TBC1D8B: variants seen among roughly 807,000 people sequenced by gnomAD.
TBC1D8B encodes TBC1 domain family member 8B.
A neutral mutation model predicts 82.9 loss-of-function variants in TBC1D8B; 75 were observed. That is an observed-to-expected ratio of 0.90 (90% CI 0.75 to 1.10). The LOEUF is 1.10. Among genes scored for constraint, TBC1D8B ranks in the 50% least tolerant of loss-of-function variants. TBC1D8B has a pLI of 0.00. For synonymous variants in TBC1D8B, 276 were observed against 276.8 expected (o/e 1.00, Z 0.03); for missense variants, 794 against 796.9 (o/e 1.00, Z 0.04).
rs758945252 is a variant in TBC1D8B at position 106,862,095 on chromosome X, T to C, written c.2353-3464T>C. Among the ~76,000 whole-genome samples the C allele has an allele frequency of 9.4e-4, 106 of 112,399 alleles. 2 individuals carry two copies. Among genetic ancestry groups the C allele is most frequent in the African/African-American group, 3.3e-3 (102 of 31,032 alleles). Reference sequence around the variant, plus strand: ...AATCTTTTTTGGCTTGTAGCATTTCTGCTGAATAGTACACTGTTAGGCTAA... The same window carrying C: ...AATCTTTTTTGGCTTGTAGCATTTCCGCTGAATAGTACACTGTTAGGCTAA... On this transcript the variant is annotated intron_variant, in intron 14 of 20. Coordinates refer to ENST00000357242, the MANE Select transcript of TBC1D8B (RefSeq NM_017752.3).
At chrX:106,837,643 C>T (rs1222348660) in intron 7 of TBC1D8B, among the ~76,000 whole-genome samples, 1 of 111,462 alleles carries the variant, frequency 9.0e-6, no homozygotes, top group Non-Finnish European at 1.9e-5. Flanking sequence ...CTCTAATAAC[C>T]ATCATTCCAC....
chrX:106,804,057 T>G (rs928316997), intron 1 of TBC1D8B, among the ~76,000 whole-genome samples: 5 of 111,907 alleles, frequency 4.5e-5, no homozygotes, highest in African/African-American at 1.6e-4. Flanking sequence ...TTCACAAGAT[T>G]CAGTTTCTTG....
intron 19 of TBC1D8B, 111 bp from the exon 20 acceptor site, chrX:106,870,605 A>G: frequency 2.2e-6 from 1 of 462,877 alleles, no homozygotes; most frequent in Non-Finnish European, 3.7e-6. Flanking sequence ...GATTAAAAAA[A>G]TGGGATCTTA....
At chrX:106,860,562 G>T (rs1363362909) in intron 14 of TBC1D8B, among the ~76,000 whole-genome samples, 1 of 110,481 alleles carries the variant, frequency 9.1e-6, no homozygotes, top group East Asian at 2.8e-4. Flanking sequence ...TTTCTGTGGG[G>T]TCAGTGGTAA....
chrX:106,854,378 G>GAA, intron 14 of TBC1D8B, 82 bp downstream of exon 14: 3 of 592,473 alleles, frequency 5.1e-6, no homozygotes, highest in Non-Finnish European at 4.9e-6. Context: ...TCTTCTGGGC[G>GAA]AATAAAATGA....
In TBC1D8B at chrX:106,839,317, A is replaced by C. The variant is rs779481955; in HGVS notation, c.1213A>C (p.Ser405Arg). The change falls in exon 8 of 21, where the codon AGT (serine) becomes CGT (arginine). Residue 405 changes from serine to arginine, a missense_variant. Ser to Arg is a moderately radical substitution (Grantham distance 110). Coordinates refer to ENST00000357242, the MANE Select transcript of TBC1D8B (RefSeq NM_017752.3). The stretch of plus-strand genomic sequence containing the variant: ...ATTCTTTCTTTTTCAGCTTGCTATT[A>C]GTTCTGAGTCTACAGAGCCATCTGA... Reference protein sequence around the residue: ...YHDISTELAISSESTEPSDNF... With the variant: ...YHDISTELAIRSESTEPSDNF... 1.7e-6 allele frequency: 2 copies of C among 1,148,759 alleles called. No individual in the cohort carries two copies. The highest frequency in any genetic ancestry group is 1.8e-5 in the African/African-American group (1 of 54,871). 94.7% of individuals were successfully genotyped at this position (1,148,759 alleles called of 1,213,427 possible). A position where few individuals can be genotyped will look rare whatever the true frequency, so the allele number is the denominator to read the frequency against.
Position 106,823,275 on chromosome X carries a change from A to T in TBC1D8B, c.636A>T (p.Ser212=). Residue 212 remains serine, a synonymous_variant, in exon 5 of 21, where the codon TCA becomes TCT. Coordinates refer to ENST00000357242, the MANE Select transcript of TBC1D8B (RefSeq NM_017752.3). Reference sequence around the variant, plus strand: ...AAGTCTCAAAACTTGAAAAGACTTCAAATGTCATACTGACAGAGAGTATTC... The same window carrying T: ...AAGTCTCAAAACTTGAAAAGACTTCTAATGTCATACTGACAGAGAGTATTC... ...WDEVSKLEKT[S]NVILTESIHV... is the part of the protein sequence containing the mutation. 8.3e-7 allele frequency: 1 copy of T among 1,209,565 alleles called. No homozygotes were observed. Among genetic ancestry groups the T allele is most frequent in the Non-Finnish European group, 1.1e-6 (1 of 893,913 alleles).
rs760508493 is a variant in TBC1D8B at position 106,874,064 on chromosome X, A to G, written c.*99A>G. ...GGCTCAGGGATTTATCTTGTTACCA[A>G]TGTGTCTGAAGGCCAAAATATATAT... On this transcript the variant is annotated 3_prime_UTR_variant, in exon 21 of 21. Transcript: ENST00000357242. The G allele has an allele frequency of 1.4e-5, 13 of 949,736 alleles. No individual in the cohort carries two copies. The highest frequency in any genetic ancestry group is 6.2e-5 in the South Asian group (2 of 32,449). The allele number at this position is 949,736 out of a possible 1,213,427, so 78.3% of individuals were successfully genotyped here.
At chrX:106,865,337 A>G (rs1443568507) in intron 14 of TBC1D8B, among the ~76,000 whole-genome samples, 1 of 112,441 alleles carries the variant, frequency 8.9e-6, no homozygotes, top group African/African-American at 3.2e-5. Flanking sequence ...ATCAAAGTAC[A>G]TATTAGAGTA....
At chrX:106,825,146 G>T (rs1246458768) in intron 5 of TBC1D8B, among the ~76,000 whole-genome samples, 2 of 110,866 alleles carry the variant, frequency 1.8e-5, no homozygotes, top group Admixed American at 1.9e-4. Flanking sequence ...TTCCCAGTTT[G>T]AAAAAAATAC....
At position 106,822,273 on chromosome X, in the gene TBC1D8B, T is replaced by C. The variant is rs181509261; in HGVS notation, c.586+71T>C. The C allele has an allele frequency of 6.3e-4, 534 of 845,210 alleles. 2 individuals are homozygous for C. In the African/African-American group the frequency reaches 0.01, roughly 16 times the overall value. 69.7% of individuals were successfully genotyped at this position (845,210 alleles called of 1,213,427 possible). A position where few individuals can be genotyped will look rare whatever the true frequency, so the allele number is the denominator to read the frequency against. On this transcript the variant is annotated intron_variant, in intron 4 of 20. Coordinates refer to ENST00000357242, the MANE Select transcript of TBC1D8B (RefSeq NM_017752.3). ...ACCTACCAACTCTAATGATGTTAGG[T>C]TGTAAATAAAATAATAGGATTGATA...
intron 14 of TBC1D8B, among the ~76,000 whole-genome samples, chrX:106,864,583 A>G (rs191298336): frequency 1.7e-3 from 152 of 90,741 alleles, no homozygotes; most frequent in African/African-American, 6.5e-3. Context: ...CAGTGGCATG[A>G]TCTCGGCTCA....
intron 1 of TBC1D8B, among the ~76,000 whole-genome samples, chrX:106,810,260 A>G (rs758373967): frequency 8.1e-4 from 91 of 111,783 alleles, no homozygotes; most frequent in African/African-American, 2.8e-3. Context: ...GAGCACTAAC[A>G]ATATCTGAGA....
Position 106,835,576 on chromosome X carries a change from C to T in TBC1D8B, c.1204-3732C>T, listed in dbSNP as rs376428995. Among the ~76,000 whole-genome samples the T allele has an allele frequency of 6.2e-5, 7 of 112,188 alleles. No homozygotes were observed. In the East Asian group the frequency reaches 1.1e-3, roughly 18 times the overall value. On this transcript the variant is annotated intron_variant, in intron 7 of 20. Transcript: ENST00000357242. ...CCCCAGAAAATGAGTTTTTCTTTTCCGTCACATCATCAGTCTACAGATTTT... is the reference window on the plus strand; with the variant it reads ...CCCCAGAAAATGAGTTTTTCTTTTCTGTCACATCATCAGTCTACAGATTTT...
rs1354877990 is a variant in TBC1D8B at position 106,843,729 on chromosome X, A to G, written c.1719+2845A>G. On this transcript the variant is annotated intron_variant, in intron 10 of 20. Transcript: ENST00000357242. The stretch of plus-strand genomic sequence containing the variant: ...TAGGATCAACTTGTCAATCTCTGCA[A>G]ACAAGAAAAAAAAAAGGCAGCTGGG... Among the ~76,000 whole-genome samples the G allele has an allele frequency of 2.7e-5, 3 of 110,872 alleles. No individual in the cohort carries two copies. In the Admixed American group the frequency reaches 2.9e-4, roughly 11 times the overall value.
chrX:106,859,544 T>G (rs1045946616), intron 14 of TBC1D8B, among the ~76,000 whole-genome samples: 2 of 112,041 alleles, frequency 1.8e-5, no homozygotes, highest in Non-Finnish European at 3.8e-5. Flanking sequence ...CTACTGATTT[T>G]TGTATTCTGA....
At chrX:106,820,778 G>T in intron 2 of TBC1D8B, 99 bp from the exon 3 acceptor site, 1 of 597,322 alleles carries the variant, frequency 1.7e-6, no homozygotes, top group African/African-American at 2.3e-5. Flanking sequence ...TTTTTAAAGT[G>T]AAAATGTTAT....
intron 12 of TBC1D8B, among the ~76,000 whole-genome samples, 191 bp downstream of exon 12, chrX:106,850,501 A>C (rs1256206208): frequency 8.9e-6 from 1 of 111,950 alleles, no homozygotes; most frequent in Non-Finnish European, 1.9e-5. Context: ...AGAATAAATC[A>C]CTTTGAAGTG....
In TBC1D8B at chrX:106,865,541, C is replaced by G. The variant is rs770019884; in HGVS notation, c.2353-18C>G. On this transcript the variant is annotated intron_variant, in intron 14 of 20. Transcript: ENST00000357242. ...ATGTTAAAATCTGTGTACTAAATTG[C>G]TTTTAATCTTTTTAAAGTTGCGTGT... The G allele has an allele frequency of 4.2e-6, 5 of 1,177,462 alleles. No homozygotes were observed. Among genetic ancestry groups the G allele is most frequent in the Non-Finnish European group, 5.7e-6 (5 of 875,140 alleles).
Sources: gnomAD v4.1 joint callset for allele counts (sites outside exome capture counted in the v4.1 genomes callset) on GRCh38, gnomAD v4.1.1 for gene constraint, MANE v1.5 for transcripts, NCBI Gene and HGNC (gene_info 2026-07-23, HGNC 2026-07-21) for gene names.